Variants in CENPE observed in about 807,000 individuals in gnomAD.
CENPE encodes centromere-associated protein E.
Under a neutral mutation model 336.1 loss-of-function variants are expected in CENPE, and 145 were observed. The ratio of observed to expected loss-of-function variants is 0.43; its 90% CI spans 0.38 to 0.50. CENPE has a LOEUF of 0.50. CENPE is among the 20% of genes least tolerant of loss of function. The pLI is 0.00. For synonymous variants in CENPE, 1,013 were observed against 984.8 expected (o/e 1.03, Z -0.54); for missense variants, 2,719 against 3,023.3 (o/e 0.90, Z 2.36).
chr4:103,112,757 T>C (rs544649146), intron 46 of CENPE, among the ~76,000 whole-genome samples: 27 of 92,276 alleles, frequency 2.9e-4, no homozygotes, highest in African/African-American at 9.8e-4. Flanking sequence ...TATAAGTGTA[T>C]ATATATACTT....
chr4:103,180,534 G>T, intron 12 of CENPE, 65 bp from the exon 13 acceptor site: 1 of 1,026,592 alleles, frequency 9.7e-7, no homozygotes, highest in Non-Finnish European at 1.4e-6. Context: ...CCTTAAAGTA[G>T]CATAAAAGAA....
At chr4:103,194,192 C>A (rs777769321) in intron 8 of CENPE, 37 bp downstream of exon 8, 6 of 1,525,130 alleles carry the variant, frequency 3.9e-6, no homozygotes, top group Non-Finnish European at 5.4e-6. Flanking sequence ...TTTGTTTTGG[C>A]CCATACAGTA....
rs989048986 is a variant in CENPE, at chr4:103,183,209, T to A, written c.825A>T (p.Gly275=). The part of the protein sequence containing the change: ...LGQVIKKLSD[G]QVGGFINYRD... ...CAACGGGATAAACTTACCCAACTTG[T>A]CCATCACTAAGTTTCTTGATCACTT... The change falls in exon 10 of 49, where the codon GGA becomes GGT. Residue 275 remains glycine, a synonymous_variant. Coordinates refer to ENST00000265148, the MANE Select transcript of CENPE (RefSeq NM_001813.3). 1.2e-6 allele frequency: 2 copies of A among 1,611,816 alleles called. No individual in the cohort carries two copies. The highest frequency in any genetic ancestry group is 1.7e-6 in the Non-Finnish European group (2 of 1,178,422).
In CENPE at chr4:103,163,246, C is replaced by A; in HGVS notation, c.1733G>T (p.Ser578Ile). ...VYNQDLENEL[S>I]SKVELLREKE... ...TTCTCTAAGCAGCTCTACTTTTGAACTGAGTTCATTCTAAAAGAATCAAAG... is the reference window on the plus strand; with the variant it reads ...TTCTCTAAGCAGCTCTACTTTTGAAATGAGTTCATTCTAAAAGAATCAAAG... The change falls in exon 18 of 49, where the codon AGT (serine) becomes ATT (isoleucine). Residue 578 changes from serine (S) to isoleucine (I), a missense_variant. Physicochemically the swap from Ser to Ile is moderately radical, Grantham distance 142 (BLOSUM62 -2). Coordinates refer to ENST00000265148, the MANE Select transcript of CENPE (RefSeq NM_001813.3). 1.2e-6 allele frequency: 2 copies of A among 1,608,256 alleles called. No homozygotes were observed. The highest frequency in any genetic ancestry group is 1.3e-5 in the African/African-American group (1 of 74,790).
intron 40 of CENPE, among the ~76,000 whole-genome samples, chr4:103,134,664 TC>T: frequency 6.7e-6 from 1 of 148,748 alleles, no homozygotes; most frequent in Non-Finnish European, 1.5e-5. Flanking sequence ...AAAAAAGACT[TC>T]CTTGTCAAGC....
Position 103,153,095 on chromosome 4 carries a change from T to C in CENPE, c.3189A>G (p.Ile1063Met), listed in dbSNP as rs775291777. 11 of 1,613,116 alleles carry C rather than the reference T, an allele frequency of 6.8e-6. No homozygotes were observed. In the African/African-American group the frequency reaches 1.2e-4, roughly 18 times the overall value. ...CAGTCTTCAATTGTTCCTTTTCTGC[T>C]ATAACACTCTCTAACATTTGTTGGA... is the stretch of plus-strand genomic sequence containing the variant. ...NELQQMLESV[I>M]AEKEQLKTDL... Residue 1063 changes from isoleucine (I) to methionine (M), a missense_variant, in exon 25 of 49, where the codon ATA becomes ATG. Transcript: ENST00000265148.
chr4:103,143,476 G>A (rs1412037536), intron 33 of CENPE, 70 bp from the exon 34 acceptor site: 1 of 1,047,992 alleles, frequency 9.5e-7, no homozygotes, highest in Non-Finnish European at 1.4e-6. Flanking sequence ...AAAGGTATAG[G>A]GCAGGAGGTA....
rs751465767 is a variant in CENPE at position 103,180,297 on chromosome 4, T to A, written c.1242+14A>T. The A allele has an allele frequency of 1.4e-5, 22 of 1,606,128 alleles. No individual in the cohort carries two copies. Among genetic ancestry groups the A allele is most frequent in the Non-Finnish European group, 8.5e-7 (1 of 1,175,790 alleles). ...TCTGTACATCAAGTTTAAGCTGTCA[T>A]CTTTTAATTTTACCTTTAATTCCTG... On this transcript the variant is annotated intron_variant, in intron 13 of 48. Coordinates refer to ENST00000265148, the MANE Select transcript of CENPE (RefSeq NM_001813.3).
intron 24 of CENPE, among the ~76,000 whole-genome samples, chr4:103,155,309 T>C (rs573559009): frequency 1.5e-4 from 23 of 152,232 alleles, no homozygotes; most frequent in African/African-American, 5.3e-4. Flanking sequence ...GTGGAAGTTA[T>C]TATTTCTTTC....
intron 2 of CENPE, 29 bp downstream of exon 2, chr4:103,196,730 G>A (rs1757768279): frequency 2.9e-6 from 3 of 1,020,294 alleles, no homozygotes; most frequent in African/African-American, 1.6e-5. Flanking sequence ...AGGATAACAA[G>A]GTAACTTTTG....
At chr4:103,133,135 G>A (rs1751763131) in intron 41 of CENPE, among the ~76,000 whole-genome samples, 1 of 151,794 alleles carries the variant, frequency 6.6e-6, no homozygotes, top group Non-Finnish European at 1.5e-5. Flanking sequence ...TATACATGAT[G>A]TAACAGATTG....
chr4:103,191,590 C>T lies in CENPE; in HGVS notation c.693+2639G>A, dbSNP rs574095926. ...GCATGTTCTCACTCATAGGTTGGAA[C>T]TGAACAATGAGAACACGTGGACACA... is the stretch of plus-strand genomic sequence containing the variant. On this transcript the variant is annotated intron_variant, in intron 8 of 48. Transcript: ENST00000265148. Among the ~76,000 whole-genome samples, 291 of 138,086 alleles carry T rather than the reference C, an allele frequency of 2.1e-3. 2 individuals carry two copies. Among genetic ancestry groups the T allele is most frequent in the Non-Finnish European group, 3.8e-3 (250 of 66,456 alleles). 90.6% of individuals were successfully genotyped at this position (138,086 alleles called of 152,430 possible).
intron 24 of CENPE, among the ~76,000 whole-genome samples, chr4:103,153,507 C>T (rs775676493): frequency 1.3e-5 from 2 of 152,192 alleles, no homozygotes; most frequent in Non-Finnish European, 2.9e-5. Context: ...TCCAAGTGAT[C>T]TGGCTCCAAA....
Position 103,194,303 on chromosome 4 carries a change from A to G in CENPE, c.628-9T>C. On this transcript the variant is annotated splice_polypyrimidine_tract_variant and intron_variant, in intron 7 of 48. Coordinates refer to ENST00000265148, the MANE Select transcript of CENPE (RefSeq NM_001813.3). ...TCTCTGCTTTCCAAAATCTAGATAG[A>G]AAAGGCAAGCTGTAGAAAAATTAGT... is the stretch of plus-strand genomic sequence containing the variant. The G allele has an allele frequency of 6.2e-7, 1 of 1,612,484 alleles. No homozygotes were observed. The highest frequency in any genetic ancestry group is 8.5e-7 in the Non-Finnish European group (1 of 1,178,994).
At chr4:103,150,919 C>G (rs907215165) in intron 26 of CENPE, among the ~76,000 whole-genome samples, 12 of 152,074 alleles carry the variant, frequency 7.9e-5, no homozygotes, top group African/African-American at 2.7e-4. Context: ...TCTCAAGTGC[C>G]CAAAACAGTG....
Position 103,116,681 on chromosome 4 carries a change from A to G in CENPE, c.7338T>C (p.Val2446=). ...KETIQVLQDK[V]ALGAKPYKEE... ...CTTTATATGGCTTAGCTCCTAAAGC[A>G]ACTTTGTCCTAAATTTTTTTTAGAG... is the stretch of plus-strand genomic sequence containing the variant. Residue 2446 remains valine, a synonymous_variant, in exon 45 of 49, where the codon GTT becomes GTC. Coordinates refer to ENST00000265148, the MANE Select transcript of CENPE (RefSeq NM_001813.3). 2.6e-6 allele frequency: 4 copies of G among 1,551,540 alleles called. No homozygotes were observed. The highest frequency in any genetic ancestry group is 2.1e-5 in the Admixed American group (1 of 47,334).
chr4:103,195,968 C>A lies in CENPE; in HGVS notation c.309G>T (p.Leu103Phe). The part of the protein sequence containing the change: ...TYTMMGSEDH[L>F]GVIPRAIHDI... ...CATGAATTGCCCTGGGTATAACTCC[C>A]AAATGATCTTCTGAACCCATCATGG... Residue 103 changes from leucine (L) to phenylalanine (F), a missense_variant, in exon 4 of 49, where the codon TTG (leucine) becomes TTT (phenylalanine). By Grantham distance (22) the Leu-to-Phe change is conservative. Coordinates refer to ENST00000265148, the MANE Select transcript of CENPE (RefSeq NM_001813.3). The A allele has an allele frequency of 1.2e-6, 2 of 1,613,746 alleles. No individual in the cohort carries two copies. Among genetic ancestry groups the A allele is most frequent in the South Asian group, 1.1e-5 (1 of 91,050 alleles).
intron 13 of CENPE, among the ~76,000 whole-genome samples, chr4:103,179,291 C>G (rs1457760513): frequency 6.6e-6 from 1 of 152,200 alleles, no homozygotes; most frequent in Admixed American, 6.5e-5. Context: ...TCTTTCTCAA[C>G]TATAATTCTG....
chr4:103,136,028 A>T, intron 40 of CENPE, 113 bp downstream of exon 40: 1 of 854,412 alleles, frequency 1.2e-6, no homozygotes, highest in Non-Finnish European at 1.8e-6. Context: ...ATAATCTTTA[A>T]TTTGGTAGTA....
Sources: gnomAD v4.1 joint callset for allele counts (sites outside exome capture counted in the v4.1 genomes callset) on GRCh38, gnomAD v4.1.1 for gene constraint, MANE v1.5 for transcripts, NCBI Gene and HGNC (gene_info 2026-07-23, HGNC 2026-07-21) for gene names.